The following LRMDA variants were observed in gnomAD, a reference collection of about 807,000 sequenced individuals.
LRMDA encodes the protein leucine rich melanocyte differentiation associated.
In LRMDA, 18 loss-of-function variants were observed where a neutral mutation model predicts 29.8. That is an observed-to-expected ratio of 0.60 (90% CI 0.42 to 0.90). The LOEUF is 0.90. Among genes scored for constraint, LRMDA ranks in the 40% least tolerant of loss-of-function variants. The pLI, the probability that LRMDA is intolerant of heterozygous loss-of-function variation, is 0.00. For missense variants in LRMDA, 273 were observed against 273.9 expected, an observed-to-expected ratio of 1.00 and a Z score of 0.02; for synonymous variants, 125 against 109.4, an observed-to-expected ratio of 1.14 and a Z score of -0.89.
At chr10:76,155,174 G>A (rs1287939670) in intron 5 of LRMDA, among the ~76,000 whole-genome samples, 1 of 152,088 alleles carries the variant, frequency 6.6e-6, no homozygotes, top group Non-Finnish European at 1.5e-5. Flanking sequence ...AAATAAAACA[G>A]TGTAGAAATA....
intron 5 of LRMDA, among the ~76,000 whole-genome samples, chr10:76,078,959 C>G (rs1225735834): frequency 6.6e-6 from 1 of 152,136 alleles, no homozygotes; most frequent in African/African-American, 2.4e-5. Flanking sequence ...ATTCTTCTTC[C>G]CACTCATTCA....
chr10:76,538,519 C>CAGTTAT (rs1843316285), intron 6 of LRMDA, among the ~76,000 whole-genome samples: 1 of 145,948 alleles, frequency 6.9e-6, no homozygotes, highest in Non-Finnish European at 1.5e-5. Context: ...TATGTATATA[C>CAGTTAT]ATATTTATAT....
intron 5 of LRMDA, among the ~76,000 whole-genome samples, chr10:76,185,761 A>G (rs1246355868): frequency 6.6e-6 from 1 of 152,210 alleles, no homozygotes; most frequent in East Asian, 1.9e-4. Flanking sequence ...TATGTTTCCA[A>G]TTAATTTTCT....
At chr10:75,828,371 A>G (rs1844281732) in intron 2 of LRMDA, among the ~76,000 whole-genome samples, 1 of 152,196 alleles carries the variant, frequency 6.6e-6, no homozygotes, top group Non-Finnish European at 1.5e-5. Context: ...CATTTTCTTT[A>G]CTGAGGTTTA....
At chr10:75,861,397 A>C (rs1240199022) in intron 2 of LRMDA, among the ~76,000 whole-genome samples, 2 of 152,252 alleles carry the variant, frequency 1.3e-5, no homozygotes, top group Non-Finnish European at 2.9e-5. Flanking sequence ...TTAAGTGTGA[A>C]TAATGGGAGA....
At chr10:75,881,471 C>T (rs1178628635) in intron 2 of LRMDA, among the ~76,000 whole-genome samples, 3 of 152,172 alleles carry the variant, frequency 2.0e-5, no homozygotes, top group African/African-American at 7.2e-5. Context: ...GAGGCTACTC[C>T]CTTTGCAAAT....
At chr10:75,906,600 C>T (rs940582465) in intron 2 of LRMDA, among the ~76,000 whole-genome samples, 1 of 152,176 alleles carries the variant, frequency 6.6e-6, no homozygotes, top group Non-Finnish European at 1.5e-5. Context: ...TCTTGTTTCC[C>T]TGTGTGTTTA....
chr10:76,186,747 T>C (rs937192354), intron 5 of LRMDA, among the ~76,000 whole-genome samples: 17 of 152,282 alleles, frequency 1.1e-4, no homozygotes, highest in Admixed American at 2.0e-4. Context: ...GTAAAAAAGA[T>C]AGACTCAGTC....
intron 5 of LRMDA, among the ~76,000 whole-genome samples, chr10:76,273,668 A>G (rs1840094651): frequency 6.6e-6 from 1 of 152,160 alleles, no homozygotes; most frequent in Admixed American, 6.5e-5. Flanking sequence ...TTCTGCCCAG[A>G]AATGTTCTGA....
chr10:75,937,359 T>A (rs1846313281), intron 2 of LRMDA, among the ~76,000 whole-genome samples: 1 of 152,222 alleles, frequency 6.6e-6, no homozygotes, highest in Admixed American at 6.5e-5. Flanking sequence ...GAATGAGCCA[T>A]TTTGGAGCTG....
chr10:76,389,575 T>C (rs549173194), intron 6 of LRMDA, among the ~76,000 whole-genome samples: 342 of 152,320 alleles, frequency 2.2e-3, no homozygotes, highest in Non-Finnish European at 3.6e-3. Flanking sequence ...ACCATCCATC[T>C]CCAGAATCTT....
At chr10:75,810,258 G>A (rs1843934714) in intron 2 of LRMDA, among the ~76,000 whole-genome samples, 1 of 152,240 alleles carries the variant, frequency 6.6e-6, no homozygotes, top group African/African-American at 2.4e-5. Context: ...TAAGTGTCCT[G>A]AGCAGGGAGC....
intron 2 of LRMDA, among the ~76,000 whole-genome samples, chr10:75,701,920 C>A (rs894159683): frequency 6.6e-6 from 1 of 152,148 alleles, no homozygotes; most frequent in African/African-American, 2.4e-5. Flanking sequence ...TAATCGCTTC[C>A]CATTATTTGC....
intron 5 of LRMDA, among the ~76,000 whole-genome samples, chr10:76,151,058 G>A (rs1007270561): frequency 6.6e-6 from 1 of 152,114 alleles, no homozygotes; most frequent in African/African-American, 2.4e-5. Flanking sequence ...ACACCCAGCT[G>A]GGTCATCCAG....
At chr10:75,992,811 C>A (rs1354378117) in intron 2 of LRMDA, among the ~76,000 whole-genome samples, 1 of 152,050 alleles carries the variant, frequency 6.6e-6, no homozygotes, top group African/African-American at 2.4e-5. Flanking sequence ...TCATTGTATT[C>A]CTAATTTTAC....
chr10:75,959,044 C>G (rs1464531367), intron 2 of LRMDA, among the ~76,000 whole-genome samples: 3 of 152,136 alleles, frequency 2.0e-5, no homozygotes, highest in Non-Finnish European at 4.4e-5. Context: ...ATTATGGAAG[C>G]TACAATTCAA....
At chr10:76,357,487 C>A (rs1564518877) in intron 6 of LRMDA, among the ~76,000 whole-genome samples, 1 of 152,116 alleles carries the variant, frequency 6.6e-6, no homozygotes, top group African/African-American at 2.4e-5. Flanking sequence ...AGAGACTAGT[C>A]CCTGGATGGG....
chr10:76,472,884 A>G (rs1466639400), intron 6 of LRMDA, among the ~76,000 whole-genome samples: 1 of 151,518 alleles, frequency 6.6e-6, no homozygotes, highest in East Asian at 1.9e-4. Flanking sequence ...CAAACAAAAA[A>G]CAACCGTCTA....
chr10:76,090,771 C>T (rs935589234), intron 5 of LRMDA, among the ~76,000 whole-genome samples: 3 of 152,076 alleles, frequency 2.0e-5, no homozygotes, highest in African/African-American at 4.8e-5. Context: ...AAATAAAACA[C>T]TCACAAAAAG....
Sources: allele counts gnomAD v4.1 joint callset (sites outside exome capture counted in the v4.1 genomes callset), GRCh38; gene constraint gnomAD v4.1.1; transcripts MANE v1.5; gene names NCBI Gene and HGNC (gene_info 2026-07-23, HGNC 2026-07-21).